Variants in ZNF536 observed in about 807,000 individuals in gnomAD.
The protein encoded by ZNF536 is zinc finger protein 536.
In ZNF536, 13 loss-of-function variants were observed where a neutral mutation model predicts 84.5. That is an observed-to-expected ratio of 0.15 (90% CI 0.10 to 0.24). ZNF536 has a LOEUF of 0.24. ZNF536 is among the 10% of genes least tolerant of loss of function. The pLI is 1.00. For missense variants in ZNF536, 1,536 were observed against 1,747.5 expected (o/e 0.88, Z 2.16); for synonymous variants, 811 against 742.5 (o/e 1.09, Z -1.50).
intron 1 of ZNF536, among the ~76,000 whole-genome samples, chr19:30,268,570 T>G (rs1224317884): frequency 6.6e-6 from 1 of 152,156 alleles, no homozygotes; most frequent in Non-Finnish European, 1.5e-5. Flanking sequence ...CTGCCTGGTG[T>G]CTGAACAAAT....
At chr19:30,239,180 C>T (rs1431555272) in intron 1 of ZNF536, among the ~76,000 whole-genome samples, 1 of 152,188 alleles carries the variant, frequency 6.6e-6, no homozygotes. Context: ...CCTCCATCTT[C>T]CCCGGGGAAA....
intron 1 of ZNF536, among the ~76,000 whole-genome samples, chr19:30,235,381 G>C (rs1364069111): frequency 6.6e-6 from 1 of 151,810 alleles, no homozygotes; most frequent in Non-Finnish European, 1.5e-5. Context: ...TCTGAATAAT[G>C]TTAACCCGCC....
At chr19:30,279,239 CT>C (rs1224693245) in intron 1 of ZNF536, among the ~76,000 whole-genome samples, 20 of 152,352 alleles carry the variant, frequency 1.3e-4, no homozygotes, top group African/African-American at 4.6e-4. Flanking sequence ...GCATATTTTA[CT>C]TTTGTCTTTC....
At chr19:30,436,597 T>C (rs982966075) in intron 1 of ZNF536, 1 of 694,970 alleles carries the variant, frequency 1.4e-6, no homozygotes, top group African/African-American at 1.9e-5. Flanking sequence ...TTCAGTAGTC[T>C]GATGTTCTGT....
intron 1 of ZNF536, among the ~76,000 whole-genome samples, chr19:30,375,925 T>G (rs745941369): frequency 3.3e-5 from 5 of 152,062 alleles, no homozygotes; most frequent in Non-Finnish European, 5.9e-5. Context: ...AGTGTGACTG[T>G]GTGTGCTCAT....
intron 2 of ZNF536, among the ~76,000 whole-genome samples, chr19:30,293,571 G>A (rs906059542): frequency 1.3e-5 from 2 of 152,120 alleles, no homozygotes; most frequent in South Asian, 2.1e-4. Flanking sequence ...GGCTTCACGC[G>A]GCTGCAGTGT....
At chr19:30,637,073 A>T (rs758985983) in intron 1 of ZNF536, among the ~76,000 whole-genome samples, 114 of 152,302 alleles carry the variant, frequency 7.5e-4, no homozygotes, top group Non-Finnish European at 1.5e-3. Flanking sequence ...GTGAACATCC[A>T]GTGTCTTCCT....
At chr19:30,286,107 C>T (rs763237513) in intron 2 of ZNF536, among the ~76,000 whole-genome samples, 2 of 151,968 alleles carry the variant, frequency 1.3e-5, no homozygotes, top group Non-Finnish European at 2.9e-5. Flanking sequence ...GAGCCTGGCC[C>T]GAGCGAGGGC....
Position 30,385,729 on chromosome 19 carries a change from C to T in ZNF536, c.-3+13173C>T, listed in dbSNP as rs543843536. Among the ~76,000 whole-genome samples, 3 of 152,252 alleles carry T rather than the reference C, an allele frequency of 2.0e-5. No homozygotes were observed. The South Asian group carries it at 6.2e-4, about 32-fold the overall frequency. On this transcript the variant is annotated intron_variant, in intron 1 of 4. Coordinates refer to ENST00000355537, the MANE Select transcript of ZNF536 (RefSeq NM_014717.3). Reference sequence around the variant, plus strand: ...TCTACCCATATTCCACCTACTTCTCCCCAACTTTTCAGACTTGATGGTTTA... The same window carrying T: ...TCTACCCATATTCCACCTACTTCTCTCCAACTTTTCAGACTTGATGGTTTA...
chr19:30,258,319 T>C (rs1404240591), intron 1 of ZNF536, among the ~76,000 whole-genome samples: 3 of 152,104 alleles, frequency 2.0e-5, no homozygotes, highest in African/African-American at 7.2e-5. Flanking sequence ...TTGTTAAACG[T>C]GAGAAAAGTA....
At chr19:30,430,142 AC>A (rs2051389047) in intron 1 of ZNF536, among the ~76,000 whole-genome samples, 1 of 152,008 alleles carries the variant, frequency 6.6e-6, no homozygotes, top group African/African-American at 2.4e-5. Context: ...CAAACTTCTC[AC>A]CTGGCTGTGC....
At chr19:30,679,187 ATATC>A (rs949350846) in intron 1 of ZNF536, among the ~76,000 whole-genome samples, 1 of 152,196 alleles carries the variant, frequency 6.6e-6, no homozygotes, top group Non-Finnish European at 1.5e-5. Flanking sequence ...AGGACTTCCC[ATATC>A]CAGGCACCAG....
At chr19:30,478,015 C>T (rs2053919778) in intron 2 of ZNF536, among the ~76,000 whole-genome samples, 1 of 152,136 alleles carries the variant, frequency 6.6e-6, no homozygotes, top group South Asian at 2.1e-4. Flanking sequence ...GGGTGGGATC[C>T]TCCATTGCCC....
chr19:30,599,471 C>CTTCCTTCCTTCCTTCT (rs745360597), intron 1 of ZNF536, among the ~76,000 whole-genome samples: 45,919 of 47,348 alleles, frequency 0.97, 22,350 homozygotes, highest in East Asian at 0.99. Flanking sequence ...TCCCTCCCTC[C>CTTCCTTCCTTCCTTCT]TTCCTTCCTT....
chr19:30,362,293 T>C (rs1240035569), intron 3 of ZNF536, among the ~76,000 whole-genome samples: 1 of 152,042 alleles, frequency 6.6e-6, no homozygotes, highest in African/African-American at 2.4e-5. Flanking sequence ...GGCGGGCGGC[T>C]TTCCTAGTGA....
intron 1 of ZNF536, among the ~76,000 whole-genome samples, chr19:30,688,799 TG>T (rs1464832820): frequency 6.6e-6 from 1 of 152,278 alleles, no homozygotes; most frequent in Admixed American, 6.5e-5. Flanking sequence ...TGGCTCTTAC[TG>T]GGGGAAACTC....
At chr19:30,319,389 A>G (rs929447064) in intron 2 of ZNF536, among the ~76,000 whole-genome samples, 3 of 151,862 alleles carry the variant, frequency 2.0e-5, no homozygotes, top group Middle Eastern at 3.2e-3. Flanking sequence ...AAATAGTTCT[A>G]GTGAGCTAAT....
intron 3 of ZNF536, among the ~76,000 whole-genome samples, chr19:30,356,341 T>G (rs2146798543): frequency 6.6e-6 from 1 of 152,342 alleles, no homozygotes; most frequent in Non-Finnish European, 1.5e-5. Context: ...CTGGGGACCC[T>G]GGGCAGTCTG....
chr19:30,411,937 T>C (rs2050512485), intron 1 of ZNF536, among the ~76,000 whole-genome samples: 2 of 152,092 alleles, frequency 1.3e-5, no homozygotes, highest in South Asian at 4.1e-4. Context: ...TCAGGTCTTA[T>C]TTTATGCCCT....
Sources: allele counts gnomAD v4.1 joint callset (sites outside exome capture counted in the v4.1 genomes callset), GRCh38; gene constraint gnomAD v4.1.1; transcripts MANE v1.5; gene names NCBI Gene and HGNC (gene_info 2026-07-23, HGNC 2026-07-21).